The following ADARB2 variants were observed in gnomAD, a reference collection of about 807,000 sequenced individuals.
ADARB2 encodes adenosine deaminase RNA specific B2 (inactive).
In ADARB2, 25 loss-of-function variants were observed where a neutral mutation model predicts 62.2. That is an observed-to-expected ratio of 0.40 (90% CI 0.29 to 0.56). ADARB2 has a LOEUF of 0.56. Ranked by LOEUF, ADARB2 falls within the 20% of genes least tolerant of loss-of-function variation. ADARB2 has a pLI of 0.43. For synonymous variants in ADARB2, 572 were observed against 500.8 expected, an observed-to-expected ratio of 1.14 and a Z score of -1.90; for missense variants, 1,071 against 1,077.4, an observed-to-expected ratio of 0.99 and a Z score of 0.08.
At chr10:1,711,534 G>A (rs534011817) in intron 1 of ADARB2, among the ~76,000 whole-genome samples, 1 of 152,244 alleles carries the variant, frequency 6.6e-6, no homozygotes, top group Admixed American at 6.5e-5. Context: ...CCTTACTAAG[G>A]TGTTTTCCTC....
At chr10:1,531,048 C>T (rs905342004) in intron 1 of ADARB2, among the ~76,000 whole-genome samples, 10 of 152,208 alleles carry the variant, frequency 6.6e-5, no homozygotes, top group African/African-American at 1.9e-4. Flanking sequence ...GTTAGATCCT[C>T]GAATGAGGCT....
chr10:1,275,086 C>T (rs907037243), intron 3 of ADARB2, among the ~76,000 whole-genome samples: 45 of 152,342 alleles, frequency 3.0e-4, no homozygotes, highest in African/African-American at 1.0e-3. Context: ...GAGCCCTGGC[C>T]GCTCCCTTGT....
At chr10:1,427,183 G>A (rs1832899652) in intron 1 of ADARB2, among the ~76,000 whole-genome samples, 1 of 152,256 alleles carries the variant, frequency 6.6e-6, no homozygotes, top group Admixed American at 6.5e-5. Context: ...GGAGTTCTCA[G>A]ATGTGATGCT....
chr10:1,524,705 G>A (rs560284777), intron 1 of ADARB2, among the ~76,000 whole-genome samples: 15 of 152,214 alleles, frequency 9.9e-5, no homozygotes, highest in African/African-American at 3.4e-4. Context: ...GTGGCTGCCC[G>A]GGGGGAGGTG....
At chr10:1,623,183 T>C (rs1354270484) in intron 1 of ADARB2, among the ~76,000 whole-genome samples, 5 of 152,194 alleles carry the variant, frequency 3.3e-5, no homozygotes, top group Non-Finnish European at 7.3e-5. Flanking sequence ...GATTGGATTG[T>C]TGCAAAAACA....
At chr10:1,506,327 G>T (rs72764939) in intron 1 of ADARB2, among the ~76,000 whole-genome samples, 23,550 of 152,014 alleles carry the variant, frequency 0.15, 2,210 homozygotes, top group Middle Eastern at 0.23. Context: ...TATTATTTAT[G>T]GGGGGGAAAT....
At chr10:1,219,779 T>C (rs554643669) in intron 6 of ADARB2, among the ~76,000 whole-genome samples, 2 of 150,754 alleles carry the variant, frequency 1.3e-5, no homozygotes, top group East Asian at 3.9e-4. Context: ...GAGACGGTGA[T>C]ATGATGGTGA....
At chr10:1,395,993 G>A (rs1373369804) in intron 1 of ADARB2, among the ~76,000 whole-genome samples, 1 of 152,198 alleles carries the variant, frequency 6.6e-6, no homozygotes, top group East Asian at 1.9e-4. Context: ...GAGCCACATT[G>A]TCTGCTCTGA....
chr10:1,315,393 GTGGCGTTTGGCA>G (rs1359322970), intron 3 of ADARB2, among the ~76,000 whole-genome samples: 1 of 152,228 alleles, frequency 6.6e-6, no homozygotes, highest in Middle Eastern at 3.2e-3. Flanking sequence ...CGTCCTGAGC[GTGGCGTTTGGCA>G]TGGCTGATGT....
Position 1,180,743 on chromosome 10 carries a change from T to C in ADARB2, c.*2450A>G, listed in dbSNP as rs1428647264. 3.3e-5 allele frequency: 5 copies of C among 152,414 alleles called. No individual in the cohort carries two copies. The highest frequency in any genetic ancestry group is 1.2e-4 in the African/African-American group (5 of 41,466). 9.4% of individuals were successfully genotyped at this position (152,414 alleles called of 1,614,324 possible). On this transcript the variant is annotated 3_prime_UTR_variant, in exon 10 of 10. Coordinates refer to ENST00000381312, the MANE Select transcript of ADARB2 (RefSeq NM_018702.4). ...GCACCTCAACCTCACTCTGGCTGCA[T>C]TGGAAACTCTTCTGTCGCTATCGGC... is the stretch of plus-strand genomic sequence containing the variant.
intron 1 of ADARB2, among the ~76,000 whole-genome samples, chr10:1,662,503 G>A (rs1014861390): frequency 1.3e-5 from 2 of 152,174 alleles, no homozygotes; most frequent in African/African-American, 4.8e-5. Context: ...CAGCCACGTG[G>A]GCCCAGACTT....
chr10:1,585,466 G>C (rs112552686), intron 1 of ADARB2, among the ~76,000 whole-genome samples: 43 of 152,254 alleles, frequency 2.8e-4, no homozygotes, highest in African/African-American at 1.0e-3. Context: ...AGAATTCAAA[G>C]TCATCCCCCT....
intron 1 of ADARB2, among the ~76,000 whole-genome samples, chr10:1,524,544 C>T (rs1385861463): frequency 2.0e-5 from 3 of 152,212 alleles, no homozygotes; most frequent in East Asian, 1.9e-4. Flanking sequence ...AAAACCTCCA[C>T]AGCAACAGCC....
At chr10:1,297,651 T>C (rs1831535111) in intron 3 of ADARB2, among the ~76,000 whole-genome samples, 1 of 152,222 alleles carries the variant, frequency 6.6e-6, no homozygotes, top group Admixed American at 6.5e-5. Context: ...TGGAACAGTC[T>C]TAGGCCATGA....
chr10:1,514,349 A>G (rs1383947943), intron 1 of ADARB2, among the ~76,000 whole-genome samples: 1 of 151,520 alleles, frequency 6.6e-6, no homozygotes, highest in African/African-American at 2.4e-5. Flanking sequence ...ACGGCCCTCA[A>G]TTTCAGGGTA....
chr10:1,499,992 TA>T (rs1831745764), intron 1 of ADARB2, among the ~76,000 whole-genome samples: 1 of 152,246 alleles, frequency 6.6e-6, no homozygotes, highest in African/African-American at 2.4e-5. Context: ...TTTTAACCCT[TA>T]ATCAGCTATA....
At chr10:1,266,452 C>T (rs1400526353) in intron 4 of ADARB2, among the ~76,000 whole-genome samples, 2 of 150,254 alleles carry the variant, frequency 1.3e-5, no homozygotes, top group African/African-American at 4.9e-5. Flanking sequence ...AGGAAAGGAC[C>T]GCCTGAGAAG....
At chr10:1,262,058 C>A (rs1479474997) in intron 4 of ADARB2, among the ~76,000 whole-genome samples, 1 of 144,260 alleles carries the variant, frequency 6.9e-6, no homozygotes, top group African/African-American at 2.7e-5. Flanking sequence ...AACCAAACAC[C>A]GCATATTCTC....
At chr10:1,416,894 C>T (rs575957015) in intron 1 of ADARB2, among the ~76,000 whole-genome samples, 7 of 152,346 alleles carry the variant, frequency 4.6e-5, no homozygotes, top group African/African-American at 1.4e-4. Flanking sequence ...CATGACCATC[C>T]ACAGCTGAGA....
Sources: allele counts gnomAD v4.1 joint callset (sites outside exome capture counted in the v4.1 genomes callset), GRCh38; gene constraint gnomAD v4.1.1; transcripts MANE v1.5; gene names NCBI Gene and HGNC (gene_info 2026-07-23, HGNC 2026-07-21).